KCNN2: variants seen among roughly 807,000 people sequenced by gnomAD.
The protein encoded by KCNN2 is small conductance calcium-activated potassium channel protein 2.
Under a neutral mutation model 55.5 loss-of-function variants are expected in KCNN2, and 24 were observed. The ratio of observed to expected loss-of-function variants is 0.43; its 90% CI spans 0.31 to 0.61. The LOEUF (loss-of-function observed/expected upper bound fraction) is 0.61, where lower values mean the gene tolerates loss of function less well. Ranked by LOEUF, KCNN2 falls within the 20% of genes least tolerant of loss-of-function variation. The pLI is 0.08. For missense variants in KCNN2, 754 were observed against 853.6 expected (o/e 0.88, Z 1.45); for synonymous variants, 431 against 336.1 (o/e 1.28, Z -3.09).
chr5:114,227,784 G>A (rs377672684), intron 2 of KCNN2, among the ~76,000 whole-genome samples: 17 of 152,074 alleles, frequency 1.1e-4, no homozygotes, highest in South Asian at 6.2e-4. Flanking sequence ...TGTAAAGAAG[G>A]ATTATAATTC....
Position 114,131,074 on chromosome 5 carries a change from A to G in KCNN2, c.-271+74574A>G, listed in dbSNP as rs779766136. Among the ~76,000 whole-genome samples the G allele has an allele frequency of 3.3e-5, 5 of 152,280 alleles. No individual in the cohort carries two copies. The South Asian group carries it at 6.2e-4, about 19-fold the overall frequency. On this transcript the variant is annotated intron_variant, in intron 1 of 10. Transcript: ENST00000512097. The stretch of plus-strand genomic sequence containing the variant: ...ACAGCGTTCTTTTTTTTTCTAAGCC[A>G]TTGAAAGCACAATTTTATTTTCTCT...
intron 6 of KCNN2, among the ~76,000 whole-genome samples, chr5:114,488,561 G>T (rs1048297847): frequency 2.6e-5 from 4 of 152,070 alleles, no homozygotes; most frequent in Non-Finnish European, 5.9e-5. Context: ...CACCATCCAG[G>T]AGCCCTTGCC....
At chr5:114,478,668 A>G (rs144347271) in intron 5 of KCNN2, among the ~76,000 whole-genome samples, 1 of 152,304 alleles carries the variant, frequency 6.6e-6, no homozygotes, top group East Asian at 1.9e-4. Context: ...CAGATCACTT[A>G]TGAAATAAAA....
intron 1 of KCNN2, among the ~76,000 whole-genome samples, chr5:114,133,552 A>T (rs1324359463): frequency 1.3e-5 from 2 of 152,080 alleles, no homozygotes; most frequent in Non-Finnish European, 2.9e-5. Context: ...TGTGTTGGTC[A>T]CTTCTCTGGG....
rs144368921 is a variant in KCNN2 at position 114,338,174 on chromosome 5, C to T, written c.-184-22771C>T. Among the ~76,000 whole-genome samples the T allele has an allele frequency of 5.3e-5, 8 of 152,118 alleles. No homozygotes were observed. In the East Asian group the frequency reaches 1.4e-3, roughly 26 times the overall value. On this transcript the variant is annotated intron_variant, in intron 2 of 10. Coordinates refer to the KCNN2 transcript ENST00000512097. ...ATGCTTTCCTTTTTATTTTTCAAGC[C>T]CAATTTGGTAGGTGAATACAAATTA...
upstream of KCNN2, among the ~76,000 whole-genome samples, chr5:114,357,159 CAA>C (rs1491413963): frequency 6.6e-6 from 1 of 152,018 alleles, no homozygotes; most frequent in Non-Finnish European, 1.5e-5. Context: ...CAAAAACACC[CAA>C]AGTCAAGAGA....
chr5:114,188,729 A>C (rs1753388161), intron 1 of KCNN2, among the ~76,000 whole-genome samples: 1 of 105,658 alleles, frequency 9.5e-6, no homozygotes, highest in Admixed American at 9.6e-5. Flanking sequence ...CCAAAACTAT[A>C]AATTGGGGAA....
chr5:114,466,797 A>T (rs1489112693), intron 4 of KCNN2, among the ~76,000 whole-genome samples: 1 of 152,152 alleles, frequency 6.6e-6, no homozygotes, highest in Non-Finnish European at 1.5e-5. Flanking sequence ...TTTATAAACC[A>T]CTAGACTTTG....
chr5:114,335,258 T>A (rs535867527), intron 2 of KCNN2, among the ~76,000 whole-genome samples: 2 of 152,108 alleles, frequency 1.3e-5, no homozygotes, highest in African/African-American at 4.8e-5. Flanking sequence ...TTTCCTCCCC[T>A]TCAGCTGTCT....
At chr5:114,114,061 T>C (rs980809680) in intron 1 of KCNN2, among the ~76,000 whole-genome samples, 1 of 152,128 alleles carries the variant, frequency 6.6e-6, no homozygotes, top group Non-Finnish European at 1.5e-5. Context: ...TCCCTTTTCT[T>C]GTAAGTCTCT....
chr5:114,139,559 A>C (rs1245745679), intron 1 of KCNN2, among the ~76,000 whole-genome samples: 1 of 150,074 alleles, frequency 6.7e-6, no homozygotes, highest in Non-Finnish European at 1.5e-5. Flanking sequence ...GGCTGAATAG[A>C]TATTATAATA....
At chr5:114,401,086 A>G (rs1758775371) in intron 2 of KCNN2, among the ~76,000 whole-genome samples, 1 of 151,882 alleles carries the variant, frequency 6.6e-6, no homozygotes, top group Admixed American at 6.6e-5. Flanking sequence ...AATACCTGGC[A>G]CATAGTATTT....
chr5:114,320,113 T>C (rs781539160), intron 2 of KCNN2, among the ~76,000 whole-genome samples: 51 of 152,228 alleles, frequency 3.4e-4, no homozygotes, highest in Non-Finnish European at 6.6e-4. Flanking sequence ...TCCCCAAACA[T>C]GAATGAGTAA....
intron 2 of KCNN2, among the ~76,000 whole-genome samples, chr5:114,296,626 G>T (rs1303691725): frequency 6.6e-6 from 1 of 152,148 alleles, no homozygotes; most frequent in Non-Finnish European, 1.5e-5. Flanking sequence ...TCCTAAGGGA[G>T]GCCATAAGCA....
At chr5:114,177,523 A>G (rs1041749337) in intron 1 of KCNN2, among the ~76,000 whole-genome samples, 1 of 151,726 alleles carries the variant, frequency 6.6e-6, no homozygotes, top group African/African-American at 2.4e-5. Flanking sequence ...TTTTTCCATT[A>G]GCCTTGGGGG....
chr5:114,158,975 C>A (rs1430393097), intron 1 of KCNN2, among the ~76,000 whole-genome samples: 1 of 152,088 alleles, frequency 6.6e-6, no homozygotes, highest in Non-Finnish European at 1.5e-5. Context: ...TTCCTCTTTT[C>A]CTAATTGAAT....
chr5:114,425,078 A>G (rs1759579705), intron 3 of KCNN2, among the ~76,000 whole-genome samples: 1 of 152,238 alleles, frequency 6.6e-6, no homozygotes, highest in East Asian at 1.9e-4. Context: ...GTGAAATGAA[A>G]GATAAAGTTA....
Position 114,160,445 on chromosome 5 carries a change from A to G in KCNN2, c.-270-61035A>G, listed in dbSNP as rs184394119. On this transcript the variant is annotated intron_variant, in intron 1 of 10. Transcript: ENST00000512097. ...CCAATTATGTGGTCAATTTTGGAATAGGTGTGGTCTGGTGCTGAAAAGAAT... is the reference window on the plus strand; with the variant it reads ...CCAATTATGTGGTCAATTTTGGAATGGGTGTGGTCTGGTGCTGAAAAGAAT... Among the ~76,000 whole-genome samples, 1,263 of 152,288 alleles carry G rather than the reference A, an allele frequency of 8.3e-3. 6 individuals are homozygous for G. Among genetic ancestry groups the G allele is most frequent in the Admixed American group, 0.013 (195 of 15,278 alleles).
intron 1 of KCNN2, among the ~76,000 whole-genome samples, chr5:114,144,658 A>G (rs533210400): frequency 5.3e-5 from 8 of 152,200 alleles, no homozygotes; most frequent in South Asian, 2.1e-4. Flanking sequence ...ACAAGTAACA[A>G]TTAACACAGG....
Sources: gnomAD v4.1 joint callset for allele counts (sites outside exome capture counted in the v4.1 genomes callset) on GRCh38, gnomAD v4.1.1 for gene constraint, MANE v1.5 for transcripts, NCBI Gene and HGNC (gene_info 2026-07-23, HGNC 2026-07-21) for gene names.